The following LRRC4C variants were observed in gnomAD, a reference collection of about 807,000 sequenced individuals.
LRRC4C encodes leucine rich repeat containing 4C, also known as leucine-rich repeat-containing protein 4C.
Under a neutral mutation model 33.6 loss-of-function variants are expected in LRRC4C, and 5 were observed. The observed-to-expected ratio is 0.15, with a 90% CI of 0.08 to 0.31. The LOEUF is 0.31. Ranked by LOEUF, LRRC4C falls within the 10% of genes least tolerant of loss-of-function variation. The pLI is 1.00. For missense variants in LRRC4C, 560 were observed against 796.7 expected, an observed-to-expected ratio of 0.70 and a Z score of 3.58; for synonymous variants, 329 against 302.0, an observed-to-expected ratio of 1.09 and a Z score of -0.93.
At chr11:40,480,858 G>T (rs1000306467) in intron 3 of LRRC4C, among the ~76,000 whole-genome samples, 5 of 151,962 alleles carry the variant, frequency 3.3e-5, no homozygotes, top group Admixed American at 2.0e-4. Flanking sequence ...CATGTTTTTA[G>T]TTAGATGGGG....
intron 1 of LRRC4C, among the ~76,000 whole-genome samples, chr11:40,999,362 T>C (rs1332102050): frequency 2.0e-4 from 31 of 152,184 alleles, no homozygotes; most frequent in Admixed American, 2.0e-3. Context: ...ATTAAAACTC[T>C]ACTACGGACA....
chr11:41,250,093 C>A (rs147071075), intron 1 of LRRC4C, among the ~76,000 whole-genome samples: 2,867 of 152,110 alleles, frequency 0.019, 91 homozygotes, highest in African/African-American at 0.066. Context: ...TGCTTTAACC[C>A]AGGAAGCAAA....
At chr11:40,187,514 C>T (rs1242245673) in intron 5 of LRRC4C, among the ~76,000 whole-genome samples, 2 of 151,960 alleles carry the variant, frequency 1.3e-5, no homozygotes, top group East Asian at 1.9e-4. Flanking sequence ...ACAGAGGTGC[C>T]TCTGATCTTC....
rs60671406 is a variant in LRRC4C, at chr11:41,316,262, C to CAAAAAAAAAAAAA, written c.-496+143156_-496+143168dup. ...GAAACCAGTAAAAATCTCTGGATGG[C>CAAAAAAAAAAAAA]AAAAAAAAAAAAAAAAACAAAAAAA... On this transcript the variant is annotated intron_variant, in intron 1 of 6. Coordinates refer to ENST00000528697, the MANE Select transcript of LRRC4C (RefSeq NM_001258419.2). Among the ~76,000 whole-genome samples, 61 of 77,972 alleles carry CAAAAAAAAAAAAA rather than the reference C, an allele frequency of 7.8e-4. 1 individual carries two copies. The highest frequency in any genetic ancestry group is 3.2e-3 in the East Asian group (5 of 1,580). 51.2% of individuals were successfully genotyped at this position (77,972 alleles called of 152,430 possible).
chr11:40,319,074 G>A (rs1945716621), intron 4 of LRRC4C, among the ~76,000 whole-genome samples: 1 of 152,022 alleles, frequency 6.6e-6, no homozygotes, highest in Admixed American at 6.6e-5. Context: ...AGGTCTCTCC[G>A]ATCCTTCAGT....
intron 4 of LRRC4C, among the ~76,000 whole-genome samples, chr11:40,310,866 G>C (rs1280646730): frequency 6.6e-6 from 1 of 152,116 alleles, no homozygotes; most frequent in Non-Finnish European, 1.5e-5. Flanking sequence ...GGGTCCTAAA[G>C]AAGAATCCAA....
intron 1 of LRRC4C, among the ~76,000 whole-genome samples, chr11:41,066,372 G>T (rs942235182): frequency 6.6e-6 from 1 of 152,036 alleles, no homozygotes; most frequent in African/African-American, 2.4e-5. Flanking sequence ...AGAGAAAAAA[G>T]AATGAAAAAG....
At chr11:41,362,915 T>C (rs571894390) in intron 1 of LRRC4C, among the ~76,000 whole-genome samples, 2 of 152,260 alleles carry the variant, frequency 1.3e-5, no homozygotes, top group East Asian at 3.9e-4. Context: ...TTTTCTGCAG[T>C]ATAATCTCCT....
intron 2 of LRRC4C, among the ~76,000 whole-genome samples, chr11:40,798,094 T>C (rs1950903785): frequency 1.3e-5 from 2 of 152,316 alleles, no homozygotes; most frequent in South Asian, 4.1e-4. Flanking sequence ...TCAAGTCCCT[T>C]ACTTGAAAGA....
chr11:40,708,702 GT>G (rs570773889), intron 2 of LRRC4C, among the ~76,000 whole-genome samples: 175 of 152,288 alleles, frequency 1.1e-3, no homozygotes, highest in African/African-American at 3.5e-3. Flanking sequence ...GGGGTGGAGA[GT>G]TCTGTAGATG....
At chr11:40,343,719 A>T (rs572517341) in intron 3 of LRRC4C, among the ~76,000 whole-genome samples, 1 of 151,258 alleles carries the variant, frequency 6.6e-6, no homozygotes, top group South Asian at 2.1e-4. Context: ...TTGAAAAAAA[A>T]AAAAAAAGAG....
intron 3 of LRRC4C, among the ~76,000 whole-genome samples, chr11:40,410,729 A>T (rs1190972011): frequency 6.6e-6 from 1 of 152,150 alleles, no homozygotes. Flanking sequence ...GTCTGTTTCT[A>T]GCCAGGTAAA....
intron 1 of LRRC4C, among the ~76,000 whole-genome samples, chr11:41,134,818 C>T (rs947386167): frequency 6.6e-6 from 1 of 152,120 alleles, no homozygotes; most frequent in African/African-American, 2.4e-5. Context: ...ATCAACATAT[C>T]ATTTAGGGTG....
At chr11:41,082,563 A>G (rs1939660072) in intron 1 of LRRC4C, among the ~76,000 whole-genome samples, 1 of 152,066 alleles carries the variant, frequency 6.6e-6, no homozygotes, top group African/African-American at 2.4e-5. Context: ...TGACTTGAAT[A>G]ATAAAAAAGA....
At chr11:41,451,664 A>C (rs1956030100) in intron 1 of LRRC4C, among the ~76,000 whole-genome samples, 1 of 152,120 alleles carries the variant, frequency 6.6e-6, no homozygotes, top group Non-Finnish European at 1.5e-5. Context: ...CATGAGCAAA[A>C]CAGACCTATT....
intron 1 of LRRC4C, among the ~76,000 whole-genome samples, chr11:41,090,946 C>T (rs1264301890): frequency 6.6e-6 from 1 of 151,002 alleles, no homozygotes; most frequent in African/African-American, 2.4e-5. Flanking sequence ...CAGTCTCAGG[C>T]AGTTCTTTAT....
chr11:41,333,608 G>T (rs1951361804), intron 1 of LRRC4C, among the ~76,000 whole-genome samples: 1 of 152,112 alleles, frequency 6.6e-6, no homozygotes, highest in South Asian at 2.1e-4. Context: ...CTTGCTGACT[G>T]CCCTTAACAG....
intron 2 of LRRC4C, among the ~76,000 whole-genome samples, chr11:40,761,952 T>G (rs1196323132): frequency 6.6e-6 from 1 of 152,130 alleles, no homozygotes; most frequent in Non-Finnish European, 1.5e-5. Context: ...TTGTCATACT[T>G]GAGAACTTCA....
chr11:40,306,766 C>T (rs1363846885), intron 4 of LRRC4C, among the ~76,000 whole-genome samples: 4 of 152,176 alleles, frequency 2.6e-5, no homozygotes, highest in African/African-American at 4.8e-5. Context: ...CAGAGACTCT[C>T]ATTAGCTGCA....
Sources: gnomAD v4.1 joint callset for allele counts (sites outside exome capture counted in the v4.1 genomes callset) on GRCh38, gnomAD v4.1.1 for gene constraint, MANE v1.5 for transcripts, NCBI Gene and HGNC (gene_info 2026-07-23, HGNC 2026-07-21) for gene names.